The following DUOXA2 variants were observed in gnomAD, a reference collection of about 807,000 sequenced individuals.
DUOXA2 encodes dual oxidase maturation factor 2.
In DUOXA2, 22 loss-of-function variants were observed where a neutral mutation model predicts 27.6. That is an observed-to-expected ratio of 0.80 (90% CI 0.57 to 1.14). DUOXA2 has a LOEUF of 1.14. Ranked by LOEUF, DUOXA2 falls within the 50% of genes most tolerant of loss-of-function variation. The pLI is 0.00. For synonymous variants in DUOXA2, 188 were observed against 184.4 expected, an observed-to-expected ratio of 1.02 and a Z score of -0.16; for missense variants, 481 against 419.9, an observed-to-expected ratio of 1.15 and a Z score of -1.27.
Position 45,118,370 on chromosome 15 carries a change from G to A in DUOXA2, c.*461G>A. 1 of 1,121,742 alleles carries A rather than the reference G, an allele frequency of 8.9e-7. No individual in the cohort carries two copies. The highest frequency in any genetic ancestry group is 1.1e-6 in the Non-Finnish European group (1 of 916,352). The allele number at this position is 1,121,742 out of a possible 1,614,324, so 69.5% of individuals were successfully genotyped here. A position where few individuals can be genotyped will look rare whatever the true frequency, so the allele number is the denominator to read the frequency against. On this transcript the variant is annotated 3_prime_UTR_variant, in exon 6 of 6. Coordinates refer to ENST00000323030, the MANE Select transcript of DUOXA2 (RefSeq NM_207581.4). ...ACTCCCCCGTCCTGGATGCCACTCA[G>A]CTAGCCCAGCTGAGTGGGGTGGGAA...
chr15:45,114,600 T>A lies in DUOXA2; in HGVS notation c.-6T>A. The A allele has an allele frequency of 3.1e-6, 5 of 1,613,780 alleles. No individual in the cohort carries two copies. The highest frequency in any genetic ancestry group is 4.2e-6 in the Non-Finnish European group (5 of 1,179,960). On this transcript the variant is annotated 5_prime_UTR_variant, in exon 1 of 6. Coordinates refer to ENST00000323030, the MANE Select transcript of DUOXA2 (RefSeq NM_207581.4). Reference sequence around the variant, plus strand: ...GCCTGCGTGCAGCACTCGGCCGGCGTGCAGCATGACCCTGTGGAACGGCGT... The same window carrying A: ...GCCTGCGTGCAGCACTCGGCCGGCGAGCAGCATGACCCTGTGGAACGGCGT...
Position 45,116,197 on chromosome 15 carries a change from G to A in DUOXA2, c.279G>A (p.Ala93=), listed in dbSNP as rs1894621779. Residue 93 remains alanine, a synonymous_variant, in exon 3 of 6, where the codon GCG becomes GCA. Coordinates refer to ENST00000323030, the MANE Select transcript of DUOXA2 (RefSeq NM_207581.4). ...TNTSYKAFSA[A]RVTARVRLLV... ...CATCCTACAAAGCCTTCAGCGCAGC[G>A]CGCGTTACAGCCCGTGTCCGTCTGC... is the stretch of plus-strand genomic sequence containing the variant. The A allele has an allele frequency of 1.9e-6, 3 of 1,614,034 alleles. No homozygotes were observed. The highest frequency in any genetic ancestry group is 1.1e-5 in the South Asian group (1 of 91,080).
rs1273972922 is a variant in DUOXA2, at chr15:45,117,716, G to A, written c.770G>A (p.Gly257Asp). ...TTTCTTTCGATCCCCACCGCCACAG[G>A]CGTCCTGTGCCTCTTCCTCGGAGGG... The part of the protein sequence containing the change: ...GAAFWVTLAT[G>D]VLCLFLGGAV... Residue 257 changes from glycine (G) to aspartate (D), a missense_variant and splice_region_variant, in exon 6 of 6, where the codon GGC becomes GAC. Gly to Asp is a moderately conservative substitution (Grantham distance 94). Coordinates refer to ENST00000323030, the MANE Select transcript of DUOXA2 (RefSeq NM_207581.4). 3.1e-6 allele frequency: 5 copies of A among 1,613,332 alleles called. No individual in the cohort carries two copies. Among genetic ancestry groups the A allele is most frequent in the Non-Finnish European group, 3.4e-6 (4 of 1,179,420 alleles).
chr15:45,116,395 C>A, intron 3 of DUOXA2, 121 bp from the exon 4 acceptor site: 1 of 1,552,136 alleles, frequency 6.4e-7, no homozygotes, highest in Non-Finnish European at 8.8e-7. Context: ...GCGTTTTCTC[C>A]AACCACCACC....
intron 2 of DUOXA2, 112 bp from the exon 3 acceptor site, chr15:45,116,012 C>T: frequency 6.3e-7 from 1 of 1,594,916 alleles, no homozygotes; most frequent in Non-Finnish European, 8.6e-7. Context: ...TACCATGCAA[C>T]CACATTGGAC....
At chr15:45,117,059 C>CGGTGG in intron 4 of DUOXA2, 32 bp from the exon 5 acceptor site, 1 of 1,592,868 alleles carries the variant, frequency 6.3e-7, no homozygotes, top group South Asian at 1.1e-5. Flanking sequence ...GGGAGAAGCC[C>CGGTGG]GCTCACAGCG....
At position 45,114,476 on chromosome 15, in the gene DUOXA2, A is replaced by T; in HGVS notation, c.-130A>T. 1 of 1,299,898 alleles carries T rather than the reference A, an allele frequency of 7.7e-7. No homozygotes were observed. Among genetic ancestry groups the T allele is most frequent in the Non-Finnish European group, 1.1e-6 (1 of 933,200 alleles). The allele number at this position is 1,299,898 out of a possible 1,614,324, so 80.5% of individuals were successfully genotyped here. On this transcript the variant is annotated 5_prime_UTR_variant, in exon 1 of 6. Coordinates refer to ENST00000323030, the MANE Select transcript of DUOXA2 (RefSeq NM_207581.4). ...CTTAACGGAGAGGTGCAGGACTCAG[A>T]CTTCACCAGCCCACTCGGTCCCAGC...
At chr15:45,116,971 C>G in intron 4 of DUOXA2, 120 bp from the exon 5 acceptor site, 2 of 1,276,452 alleles carry the variant, frequency 1.6e-6, no homozygotes, top group Non-Finnish European at 1.1e-6. Context: ...TTCCCCTGCA[C>G]CGCTGCCATC....
In DUOXA2 at chr15:45,117,080, C is replaced by G; in HGVS notation, c.555-11C>G. On this transcript the variant is annotated splice_polypyrimidine_tract_variant and intron_variant, in intron 4 of 5. Transcript: ENST00000323030. ...AGCCCGCTCACAGCGGGTCCCCCCA[C>G]TCCCCGGCAGGGTGGCGTTCTGCTT... 1 of 1,597,878 alleles carries G rather than the reference C, an allele frequency of 6.3e-7. No homozygotes were observed. The highest frequency in any genetic ancestry group is 8.5e-7 in the Non-Finnish European group (1 of 1,179,606).
chr15:45,116,510 C>T lies in DUOXA2; in HGVS notation c.341-6C>T, dbSNP rs1390837723. ...GGCAGCCCCATGAGCCCGCCTCACC[C>T]CACAGGGACCCCAGTGCATCAGCTG... On this transcript the variant is annotated splice_region_variant and splice_polypyrimidine_tract_variant and intron_variant, in intron 3 of 5. Transcript: ENST00000323030. 1.2e-6 allele frequency: 2 copies of T among 1,613,612 alleles called. No individual in the cohort carries two copies. The highest frequency in any genetic ancestry group is 2.7e-5 in the African/African-American group (2 of 75,056).
Position 45,114,589 on chromosome 15 carries a change from C to T in DUOXA2, c.-17C>T, listed in dbSNP as rs1894553245. On this transcript the variant is annotated 5_prime_UTR_variant, in exon 1 of 6. Transcript: ENST00000323030. ...CTTGCCTGCCCGCCTGCGTGCAGCA[C>T]TCGGCCGGCGTGCAGCATGACCCTG... 1 of 1,613,360 alleles carries T rather than the reference C, an allele frequency of 6.2e-7. No homozygotes were observed. The highest frequency in any genetic ancestry group is 1.7e-5 in the Admixed American group (1 of 60,006).
chr15:45,116,618 A>AG lies in DUOXA2; in HGVS notation c.447dup (p.Leu150AlafsTer16). 2 of 1,613,992 alleles carry AG rather than the reference A, an allele frequency of 1.2e-6. No individual in the cohort carries two copies. The highest frequency in any genetic ancestry group is 1.7e-6 in the Non-Finnish European group (2 of 1,180,056). Reference sequence around the variant, plus strand: ...GCGGAGTACGCGAACGCACTGGAGAAGGGGCTGCCGGACCCAGTGCTCTAC... The same window carrying AG: ...GCGGAGTACGCGAACGCACTGGAGAAGGGGGCTGCCGGACCCAGTGCTCTAC... On this transcript the variant is annotated frameshift_variant, in exon 4 of 6. Transcript: ENST00000323030. LOFTEE classifies it high-confidence loss of function.
Position 45,118,251 on chromosome 15 carries a change from C to A in DUOXA2, c.*342C>A. On this transcript the variant is annotated 3_prime_UTR_variant, in exon 6 of 6. Transcript: ENST00000323030. ...CGTCGACTCCAGAGTAATAGGGGCG[C>A]CCTCTAGTGAGGCCGGAGGGACCCT... 4.3e-6 allele frequency: 6 copies of A among 1,391,888 alleles called. No individual in the cohort carries two copies. The highest frequency in any genetic ancestry group is 5.6e-6 in the Non-Finnish European group (6 of 1,079,756). 86.2% of individuals were successfully genotyped at this position (1,391,888 alleles called of 1,614,324 possible).
chr15:45,116,525 TGCATCA>T lies in DUOXA2; in HGVS notation c.353_358del (p.His118_Gln119del). 8 of 1,613,808 alleles carry T rather than the reference TGCATCA, an allele frequency of 5.0e-6. No homozygotes were observed. Among genetic ancestry groups the T allele is most frequent in the Non-Finnish European group, 6.8e-6 (8 of 1,180,032 alleles). On this transcript the variant is annotated inframe_deletion, in exon 4 of 6. Coordinates refer to ENST00000323030, the MANE Select transcript of DUOXA2 (RefSeq NM_207581.4). ...CCGCCTCACCCCACAGGGACCCCAG[TGCATCA>T]GCTGAACGAGACCATTGACTACAAC...
chr15:45,115,893 G>C, intron 2 of DUOXA2, 37 bp downstream of exon 2: 1 of 1,613,966 alleles, frequency 6.2e-7, no homozygotes. Flanking sequence ...AGAGGACGGG[G>C]TGAGGAAGGA....
chr15:45,114,868 G>A, intron 1 of DUOXA2, 116 bp downstream of exon 1: 1 of 1,495,404 alleles, frequency 6.7e-7, no homozygotes, highest in East Asian at 2.3e-5. Flanking sequence ...GTCGAATTGA[G>A]GCTCAGGTGG....
At position 45,114,771 on chromosome 15, in the gene DUOXA2, T is replaced by C. The variant is rs753762625; in HGVS notation, c.147+19T>C. The C allele has an allele frequency of 1.7e-5, 28 of 1,614,044 alleles. No individual in the cohort carries two copies. The highest frequency in any genetic ancestry group is 2.4e-5 in the Non-Finnish European group (28 of 1,180,036). ...CCACTCGGTAAGGGTGTCCTCATAGTGCAGGTAGAGTGGGGGAAGGCTCAT... is the reference window on the plus strand; with the variant it reads ...CCACTCGGTAAGGGTGTCCTCATAGCGCAGGTAGAGTGGGGGAAGGCTCAT... On this transcript the variant is annotated intron_variant, in intron 1 of 5. Transcript: ENST00000323030.
In DUOXA2 at chr15:45,116,680, C is replaced by A. The variant is rs755863345; in HGVS notation, c.505C>A (p.Leu169Met). 1 of 1,613,772 alleles carries A rather than the reference C, an allele frequency of 6.2e-7. No individual in the cohort carries two copies. The highest frequency in any genetic ancestry group is 1.1e-5 in the South Asian group (1 of 91,088). The change falls in exon 4 of 6, where the codon CTG (leucine) becomes ATG (methionine). Residue 169 changes from leucine to methionine, a missense_variant. Leu to Met is a conservative substitution (Grantham distance 15). Transcript: ENST00000323030. ...GTTCACACCGAGTAGCCCTTGCGGCCTGTACCACCAGTACCACCTGGCGGG... is the reference window on the plus strand; with the variant it reads ...GTTCACACCGAGTAGCCCTTGCGGCATGTACCACCAGTACCACCTGGCGGG... Reference protein sequence around the residue: ...EKFTPSSPCGLYHQYHLAGHY... With the variant: ...EKFTPSSPCGMYHQYHLAGHY...
chr15:45,116,007 T>C (rs1894612038), intron 2 of DUOXA2, 117 bp from the exon 3 acceptor site: 3 of 1,595,876 alleles, frequency 1.9e-6, no homozygotes, highest in African/African-American at 2.7e-5. Flanking sequence ...GCCCTTACCA[T>C]GCAACCACAT....
Sources: allele counts gnomAD v4.1 joint callset, GRCh38; gene constraint gnomAD v4.1.1; transcripts MANE v1.5; gene names NCBI Gene and HGNC (gene_info 2026-07-23, HGNC 2026-07-21).